Variants in GABRB1 observed in about 807,000 individuals in gnomAD.
GABRB1 encodes the protein gamma-aminobutyric acid type A receptor subunit beta1.
In GABRB1, 17 loss-of-function variants were observed where a neutral mutation model predicts 51.6. The observed-to-expected ratio is 0.33, with a 90% CI of 0.23 to 0.49. GABRB1 has a LOEUF of 0.49. Among genes scored for constraint, GABRB1 ranks in the 20% least tolerant of loss-of-function variants. The pLI, the probability that GABRB1 is intolerant of heterozygous loss-of-function variation, is 0.99. For synonymous variants in GABRB1, 247 were observed against 218.9 expected (o/e 1.13, Z -1.14); for missense variants, 410 against 600.6 (o/e 0.68, Z 3.32).
intron 1 of GABRB1, among the ~76,000 whole-genome samples, chr4:47,012,391 C>T (rs563618578): frequency 6.6e-6 from 1 of 152,080 alleles, no homozygotes; most frequent in Non-Finnish European, 1.5e-5. Flanking sequence ...TTGTTTCCCT[C>T]TATGTGTCCA....
At chr4:47,104,264 G>T (rs1261938457) in intron 3 of GABRB1, among the ~76,000 whole-genome samples, 1 of 151,286 alleles carries the variant, frequency 6.6e-6, no homozygotes, top group African/African-American at 2.4e-5. Context: ...GTATAATATA[G>T]TCCTCATCTC....
chr4:47,156,980 T>C (rs981825909), intron 3 of GABRB1, among the ~76,000 whole-genome samples: 1 of 151,940 alleles, frequency 6.6e-6, no homozygotes, highest in Non-Finnish European at 1.5e-5. Flanking sequence ...AAAATAAAAA[T>C]AAATTTTTTA....
At chr4:47,351,150 A>C (rs745766244) in intron 5 of GABRB1, among the ~76,000 whole-genome samples, 1 of 152,240 alleles carries the variant, frequency 6.6e-6, no homozygotes, top group Non-Finnish European at 1.5e-5. Flanking sequence ...CAGATTAGAC[A>C]CGATTAGGGT....
rs140166586 is a variant in GABRB1, at chr4:47,002,561, T to G, written c.-20+8635T>G. ...GAACCACCTTTAAAGTAAAGCACAA[T>G]AGCAGAAATGTATGTGTTTTTTTTT... On this transcript the variant is annotated intron_variant, in intron 1 of 3. Coordinates refer to the GABRB1 transcript ENST00000513567. Among the ~76,000 whole-genome samples the G allele has an allele frequency of 1.8e-3, 276 of 152,228 alleles. 2 individuals carry two copies. Among genetic ancestry groups the G allele is most frequent in the African/African-American group, 6.4e-3 (265 of 41,564 alleles).
chr4:47,327,787 C>T (rs2109971047), intron 5 of GABRB1, among the ~76,000 whole-genome samples: 1 of 152,280 alleles, frequency 6.6e-6, no homozygotes, highest in South Asian at 2.1e-4. Context: ...TTAATTATTT[C>T]CAAAATAAAA....
intron 5 of GABRB1, among the ~76,000 whole-genome samples, chr4:47,328,178 ATTTG>A (rs775941456): frequency 1.4e-4 from 21 of 151,780 alleles, no homozygotes; most frequent in Non-Finnish European, 2.6e-4. Flanking sequence ...TTTCTTGTAA[ATTTG>A]TTTGAGTTCA....
At position 47,292,535 on chromosome 4, in the gene GABRB1, A is replaced by G. The variant is rs575576007; in HGVS notation, c.462-27592A>G. On this transcript the variant is annotated intron_variant, in intron 4 of 8. Transcript: ENST00000295454. ...AACCTAGAAAAGCTATTTTGAAAAGAGTTTTAAACAGTACATCCCCTGAGC... is the reference window on the plus strand; with the variant it reads ...AACCTAGAAAAGCTATTTTGAAAAGGGTTTTAAACAGTACATCCCCTGAGC... Among the ~76,000 whole-genome samples the G allele has an allele frequency of 2.7e-4, 41 of 152,388 alleles. No individual in the cohort carries two copies. The South Asian group carries it at 6.4e-3, about 24-fold the overall frequency.
chr4:47,297,467 A>G (rs1319635752), intron 4 of GABRB1, among the ~76,000 whole-genome samples: 2 of 152,090 alleles, frequency 1.3e-5, no homozygotes, highest in African/African-American at 4.8e-5. Context: ...CCATCAGAGA[A>G]TACTACAAAC....
chr4:47,155,998 T>G (rs1577958622), intron 3 of GABRB1, among the ~76,000 whole-genome samples: 1 of 143,466 alleles, frequency 7.0e-6, no homozygotes, highest in African/African-American at 2.5e-5. Flanking sequence ...GTTGATTCCA[T>G]ATTTTGCCTA....
At chr4:47,291,475 C>T (rs926936048) in intron 4 of GABRB1, among the ~76,000 whole-genome samples, 5 of 152,210 alleles carry the variant, frequency 3.3e-5, no homozygotes, top group Admixed American at 1.3e-4. Context: ...CCTAGTGAAG[C>T]TGTGAGAAGA....
At chr4:47,110,724 T>C (rs1399573696) in intron 3 of GABRB1, among the ~76,000 whole-genome samples, 19 of 152,194 alleles carry the variant, frequency 1.2e-4, no homozygotes, top group Non-Finnish European at 2.9e-5. Context: ...TTATCTTCTT[T>C]GATATTGATA....
At chr4:47,014,467 T>G (rs560226428) in intron 1 of GABRB1, among the ~76,000 whole-genome samples, 2 of 152,290 alleles carry the variant, frequency 1.3e-5, no homozygotes, top group East Asian at 3.9e-4. Context: ...CAAATTTTTT[T>G]TCCTCTCCTA....
intron 3 of GABRB1, among the ~76,000 whole-genome samples, chr4:47,045,272 A>T (rs933933793): frequency 2.6e-5 from 4 of 152,094 alleles, no homozygotes; most frequent in Non-Finnish European, 4.4e-5. Context: ...TGATTACAGT[A>T]TGCCACTCAA....
At chr4:47,388,802 A>G (rs559927423) in intron 5 of GABRB1, among the ~76,000 whole-genome samples, 1 of 152,296 alleles carries the variant, frequency 6.6e-6, no homozygotes, top group South Asian at 2.1e-4. Context: ...GAAGGACCAG[A>G]GCCTGGAGAA....
intron 4 of GABRB1, among the ~76,000 whole-genome samples, chr4:47,269,271 A>G (rs1022952595): frequency 6.6e-6 from 1 of 151,938 alleles, no homozygotes; most frequent in Admixed American, 6.6e-5. Context: ...CTAATCACAA[A>G]CCCTTTCTGC....
At chr4:47,275,696 T>C (rs1430914198) in intron 4 of GABRB1, among the ~76,000 whole-genome samples, 1 of 152,162 alleles carries the variant, frequency 6.6e-6, no homozygotes, top group Non-Finnish European at 1.5e-5. Context: ...ACCAGACGCC[T>C]TGTCTGATGT....
chr4:47,061,760 T>A (rs1158949435), intron 3 of GABRB1, among the ~76,000 whole-genome samples: 3 of 152,162 alleles, frequency 2.0e-5, no homozygotes, highest in African/African-American at 7.2e-5. Flanking sequence ...AGAATCTAAT[T>A]TTATCAACCT....
At chr4:47,310,664 A>C (rs1724636283) in intron 4 of GABRB1, among the ~76,000 whole-genome samples, 1 of 152,116 alleles carries the variant, frequency 6.6e-6, no homozygotes, top group African/African-American at 2.4e-5. Context: ...ACTTGGAAAA[A>C]TTTATTAATA....
At chr4:47,127,447 A>T (rs1333442981) in intron 3 of GABRB1, among the ~76,000 whole-genome samples, 1 of 151,784 alleles carries the variant, frequency 6.6e-6, no homozygotes, top group East Asian at 1.9e-4. Flanking sequence ...ATAACAAACA[A>T]TGCCTATGGG....
Sources: allele counts gnomAD v4.1 joint callset (sites outside exome capture counted in the v4.1 genomes callset), GRCh38; gene constraint gnomAD v4.1.1; transcripts MANE v1.5; gene names NCBI Gene and HGNC (gene_info 2026-07-23, HGNC 2026-07-21).